The following IL1RAPL2 variants were observed in gnomAD, a reference collection of about 807,000 sequenced individuals.
The protein encoded by IL1RAPL2 is interleukin 1 receptor accessory protein like 2.
IL1RAPL2 carries 3 observed loss-of-function variants against 44.1 expected under a neutral mutation model. The ratio of observed to expected loss-of-function variants is 0.07; its 90% CI spans 0.03 to 0.18. IL1RAPL2 has a LOEUF of 0.18. Among genes scored for constraint, IL1RAPL2 ranks in the 10% least tolerant of loss-of-function variants. The pLI is 1.00. For synonymous variants in IL1RAPL2, 181 were observed against 178.8 expected, an observed-to-expected ratio of 1.01 and a Z score of -0.10; for missense variants, 391 against 496.4, an observed-to-expected ratio of 0.79 and a Z score of 2.02.
intron 1 of IL1RAPL2, among the ~76,000 whole-genome samples, chrX:104,597,722 G>A (rs1488472342): frequency 2.7e-5 from 3 of 110,228 alleles, no homozygotes; most frequent in African/African-American, 9.9e-5. Context: ...AGAAGAATAA[G>A]AGTTTGGGAT....
chrX:104,963,894 A>G (rs1002552803), intron 2 of IL1RAPL2, among the ~76,000 whole-genome samples: 1 of 106,407 alleles, frequency 9.4e-6, no homozygotes, highest in African/African-American at 3.5e-5. Context: ...TTCTGAATAT[A>G]GTATAACTTA....
chrX:105,271,263 G>A (rs2034444093), intron 5 of IL1RAPL2, among the ~76,000 whole-genome samples: 1 of 111,554 alleles, frequency 9.0e-6, no homozygotes. Context: ...TTATATTATT[G>A]TGGAAATTTC....
chrX:105,607,635 C>CAAAAAAA (rs11377516), intron 6 of IL1RAPL2, among the ~76,000 whole-genome samples: 13 of 15,707 alleles, frequency 8.3e-4, no homozygotes, highest in Non-Finnish European at 1.1e-3. Flanking sequence ...ATTCAGCAGA[C>CAAAAAAA]AAAAAAAAAA....
chrX:105,174,022 T>C (rs2033449834), intron 2 of IL1RAPL2, among the ~76,000 whole-genome samples: 1 of 111,330 alleles, frequency 9.0e-6, no homozygotes, highest in Admixed American at 9.5e-5. Flanking sequence ...CGTAAGTCAC[T>C]GCACCCAGCC....
chrX:105,485,500 A>G (rs1268702868), intron 6 of IL1RAPL2, among the ~76,000 whole-genome samples: 3 of 111,017 alleles, frequency 2.7e-5, no homozygotes, highest in Non-Finnish European at 5.7e-5. Context: ...GATGTACAAT[A>G]AATTACTGTT....
chrX:104,684,340 G>A (rs1044373378), intron 2 of IL1RAPL2, among the ~76,000 whole-genome samples: 4 of 111,647 alleles, frequency 3.6e-5, no homozygotes, highest in African/African-American at 1.3e-4. Flanking sequence ...TCATTCCAGC[G>A]TCACAGATGA....
intron 1 of IL1RAPL2, among the ~76,000 whole-genome samples, chrX:104,617,613 T>A (rs1881372876): frequency 1.8e-5 from 2 of 112,197 alleles, no homozygotes; most frequent in South Asian, 7.4e-4. Flanking sequence ...AGCTCTGAAA[T>A]TTTTTATTCT....
intron 2 of IL1RAPL2, among the ~76,000 whole-genome samples, chrX:104,915,845 T>G (rs1314793241): frequency 8.9e-6 from 1 of 111,845 alleles, no homozygotes; most frequent in African/African-American, 3.2e-5. Flanking sequence ...CCATTGCTTG[T>G]TTTTCTCAGG....
At chrX:104,617,944 C>T (rs765157694) in intron 1 of IL1RAPL2, among the ~76,000 whole-genome samples, 1 of 111,921 alleles carries the variant, frequency 8.9e-6, no homozygotes, top group South Asian at 3.8e-4. Flanking sequence ...AATTCTTGCA[C>T]TGTTTCTGTC....
At chrX:104,684,372 A>G (rs1426408483) in intron 2 of IL1RAPL2, among the ~76,000 whole-genome samples, 3 of 112,061 alleles carry the variant, frequency 2.7e-5, no homozygotes, top group Non-Finnish European at 5.6e-5. Context: ...CCCAAGGAGA[A>G]ACTAGTAAGT....
rs782613248 is a variant in IL1RAPL2 at position 105,179,317 on chromosome X, C to T, written c.83-16158C>T. ...TTGTCTTTAAATATGTAGTTTTATT[C>T]CTGGGTTCTCTCTTCTGTTCCATTG... On this transcript the variant is annotated intron_variant, in intron 2 of 10. Coordinates refer to ENST00000372582, the MANE Select transcript of IL1RAPL2 (RefSeq NM_017416.2). Among the ~76,000 whole-genome samples the T allele has an allele frequency of 2.7e-5, 3 of 111,959 alleles. No homozygotes were observed. The East Asian group carries it at 8.4e-4, about 31-fold the overall frequency.
At chrX:105,687,093 T>C (rs1229763009) in intron 6 of IL1RAPL2, among the ~76,000 whole-genome samples, 2 of 111,932 alleles carry the variant, frequency 1.8e-5, no homozygotes, top group African/African-American at 3.3e-5. Flanking sequence ...GGGAAATTTA[T>C]AGCACTAAAT....
chrX:105,526,566 C>T (rs755598592), intron 6 of IL1RAPL2, among the ~76,000 whole-genome samples: 33 of 111,573 alleles, frequency 3.0e-4, no homozygotes, highest in African/African-American at 9.4e-4. Context: ...GTATGAATTC[C>T]ATCATGCCTA....
chrX:104,827,410 C>T (rs755347272), intron 2 of IL1RAPL2, among the ~76,000 whole-genome samples: 3 of 111,213 alleles, frequency 2.7e-5, no homozygotes, highest in Non-Finnish European at 5.7e-5. Context: ...ATATGAAATT[C>T]GTGGTTGAAA....
intron 2 of IL1RAPL2, among the ~76,000 whole-genome samples, chrX:104,853,828 G>A (rs1259743374): frequency 9.5e-6 from 1 of 104,835 alleles, no homozygotes; most frequent in Non-Finnish European, 2.0e-5. Flanking sequence ...GCGTGAACCC[G>A]GGAGGCGGAG....
intron 2 of IL1RAPL2, among the ~76,000 whole-genome samples, chrX:105,169,122 A>G (rs757594457): frequency 7.1e-5 from 8 of 112,063 alleles, no homozygotes; most frequent in South Asian, 3.7e-4. Flanking sequence ...CCTTTTAACT[A>G]TACCATATAA....
At chrX:105,444,529 G>A (rs937012596) in intron 5 of IL1RAPL2, among the ~76,000 whole-genome samples, 13 of 110,595 alleles carry the variant, frequency 1.2e-4, no homozygotes, top group African/African-American at 3.9e-4. Context: ...TATGGTGAGA[G>A]GCATCATGTT....
At chrX:105,740,714 C>T (rs1486742202) in intron 8 of IL1RAPL2, 23 bp downstream of exon 8, 1 of 1,172,936 alleles carries the variant, frequency 8.5e-7, no homozygotes, top group East Asian at 3.0e-5. Context: ...ATAACTATAA[C>T]TATGGTTTGC....
At position 104,788,543 on chromosome X, in the gene IL1RAPL2, A is replaced by G. The variant is rs375131200; in HGVS notation, c.82+129548A>G. Among the ~76,000 whole-genome samples, 37 of 112,373 alleles carry G rather than the reference A, an allele frequency of 3.3e-4. No homozygotes were observed. In the East Asian group the frequency reaches 9.8e-3, roughly 30 times the overall value. Reference sequence around the variant, plus strand: ...TCAACTATATGCAAAGTACTGAGAAAGAAGTTACTTTCTCCTGAAAGCAGG... The same window carrying G: ...TCAACTATATGCAAAGTACTGAGAAGGAAGTTACTTTCTCCTGAAAGCAGG... On this transcript the variant is annotated intron_variant, in intron 2 of 10. Coordinates refer to ENST00000372582, the MANE Select transcript of IL1RAPL2 (RefSeq NM_017416.2).
Sources: allele counts gnomAD v4.1 joint callset (sites outside exome capture counted in the v4.1 genomes callset), GRCh38; gene constraint gnomAD v4.1.1; transcripts MANE v1.5; gene names NCBI Gene and HGNC (gene_info 2026-07-23, HGNC 2026-07-21).